SNX2: variants seen among roughly 807,000 people sequenced by gnomAD.
The protein encoded by SNX2 is sorting nexin-2.
A neutral mutation model predicts 69.9 loss-of-function variants in SNX2; 25 were observed. The ratio of observed to expected loss-of-function variants is 0.36; its 90% CI spans 0.26 to 0.50. SNX2 has a LOEUF of 0.50. Among genes scored for constraint, SNX2 ranks in the 20% least tolerant of loss-of-function variants. The pLI is 0.97. For missense variants in SNX2, 551 were observed against 613.3 expected (o/e 0.90, Z 1.07); for synonymous variants, 229 against 200.4 (o/e 1.14, Z -1.20).
At chr5:122,829,575 T>C in intron 14 of SNX2, 23 bp from the exon 15 acceptor site, 1 of 1,590,942 alleles carries the variant, frequency 6.3e-7, no homozygotes, top group Non-Finnish European at 8.6e-7. Context: ...GAGAATAACT[T>C]ATATTTTAAT....
intron 1 of SNX2, among the ~76,000 whole-genome samples, chr5:122,789,988 CA>C (rs1424665297): frequency 2.0e-5 from 3 of 152,166 alleles, no homozygotes; most frequent in African/African-American, 7.2e-5. Flanking sequence ...AAATAATAAA[CA>C]TTATATCACA....
chr5:122,789,467 A>G (rs1215426761), intron 1 of SNX2, among the ~76,000 whole-genome samples: 3 of 124,016 alleles, frequency 2.4e-5, no homozygotes, highest in Non-Finnish European at 4.9e-5. Context: ...ACACACAGAC[A>G]CACACGGACA....
intron 1 of SNX2, among the ~76,000 whole-genome samples, chr5:122,776,322 T>C (rs1256679012): frequency 6.6e-6 from 1 of 152,156 alleles, no homozygotes; most frequent in South Asian, 2.1e-4. Context: ...TAATTGTATA[T>C]GCAGTGTCCC....
chr5:122,822,045 C>G (rs1334270089), intron 11 of SNX2, among the ~76,000 whole-genome samples: 1 of 152,142 alleles, frequency 6.6e-6, no homozygotes, highest in East Asian at 1.9e-4. Context: ...TTGCCATTTA[C>G]TTAGTGTGAA....
chr5:122,790,622 G>A (rs2090343942), intron 1 of SNX2, among the ~76,000 whole-genome samples: 1 of 152,318 alleles, frequency 6.6e-6, no homozygotes, highest in East Asian at 1.9e-4. Context: ...GGGGGAGGAA[G>A]ATAGTAAGAC....
chr5:122,806,134 A>ATGCGCGCG (rs142218645), intron 6 of SNX2, among the ~76,000 whole-genome samples: 4 of 121,370 alleles, frequency 3.3e-5, no homozygotes, highest in African/African-American at 8.5e-5. Context: ...ATATATACAC[A>ATGCGCGCG]CGCGCGCGCA....
intron 7 of SNX2, among the ~76,000 whole-genome samples, chr5:122,810,702 T>C (rs1404438600): frequency 6.6e-6 from 1 of 152,210 alleles, no homozygotes. Flanking sequence ...ATATTGAAAC[T>C]TGACCCTGTT....
At chr5:122,812,732 A>G (rs1001783477) in intron 7 of SNX2, among the ~76,000 whole-genome samples, 1 of 152,162 alleles carries the variant, frequency 6.6e-6, no homozygotes, top group South Asian at 2.1e-4. Context: ...CCTTTTGCTC[A>G]CTGATGTGTT....
intron 1 of SNX2, among the ~76,000 whole-genome samples, chr5:122,793,209 T>C (rs780019075): frequency 1.3e-5 from 2 of 152,136 alleles, no homozygotes; most frequent in African/African-American, 4.8e-5. Context: ...TAGTAAAAAA[T>C]TGATAAACAT....
chr5:122,820,365 G>A (rs71594307), intron 11 of SNX2, among the ~76,000 whole-genome samples: 5,467 of 152,100 alleles, frequency 0.036, 166 homozygotes, highest in South Asian at 0.072. Flanking sequence ...GTGAAACCCC[G>A]GCTCTACTAA....
intron 7 of SNX2, among the ~76,000 whole-genome samples, chr5:122,812,597 G>T (rs1263986031): frequency 1.3e-5 from 2 of 152,064 alleles, no homozygotes; most frequent in Non-Finnish European, 2.9e-5. Context: ...CCATTGTTCT[G>T]TCTTTTTTTC....
intron 12 of SNX2, 137 bp from the exon 13 acceptor site, chr5:122,827,215 ATTGGTTGACAGTTAAATGCAATTTCTG>A: frequency 1.7e-6 from 1 of 602,104 alleles, no homozygotes; most frequent in South Asian, 2.2e-5. Context: ...ATGCATTTCT[ATTGGTTGACAGTTAAATGCAATTTCTG>A]TTGATGCTAA....
intron 12 of SNX2, among the ~76,000 whole-genome samples, chr5:122,826,904 A>T (rs1020627191): frequency 3.9e-5 from 6 of 152,058 alleles, no homozygotes; most frequent in African/African-American, 1.2e-4. Flanking sequence ...AAATATTTTT[A>T]AAATGTTTAT....
At chr5:122,792,937 A>G (rs1753277711) in intron 1 of SNX2, among the ~76,000 whole-genome samples, 1 of 152,212 alleles carries the variant, frequency 6.6e-6, no homozygotes, top group Non-Finnish European at 1.5e-5. Context: ...CATACTCTAC[A>G]TGCTAGAGTA....
intron 6 of SNX2, among the ~76,000 whole-genome samples, chr5:122,808,070 T>C (rs1250202507): frequency 2.0e-5 from 3 of 152,202 alleles, no homozygotes; most frequent in African/African-American, 7.2e-5. Context: ...TGTTCTCTCA[T>C]GTTTTAAGTA....
At position 122,808,297 on chromosome 5, in the gene SNX2, G is replaced by A. The variant is rs756992726; in HGVS notation, c.664G>A (p.Gly222Ser). The change falls in exon 7 of 15, where the codon GGT (glycine) becomes AGT (serine). Residue 222 changes from glycine to serine, a missense_variant. Coordinates refer to ENST00000379516, the MANE Select transcript of SNX2 (RefSeq NM_003100.4). Reference protein sequence around the residue: ...SIVGMTKVKVGKEDSSSTEFV... With the variant: ...SIVGMTKVKVSKEDSSSTEFV... ...CAAAGGGATGACCAAGGTCAAAGTG[G>A]GTAAAGAAGACTCATCATCCACTGA... 1.2e-6 allele frequency: 2 copies of A among 1,610,328 alleles called. No individual in the cohort carries two copies. Among genetic ancestry groups the A allele is most frequent in the African/African-American group, 1.3e-5 (1 of 74,884 alleles).
rs142303986 is a variant in SNX2, at chr5:122,777,252, G to A, written c.108+2041G>A. ...CATGTTTAATAAGTGTTCTAGATCC[G>A]TGTTTTGCAATCTTTGTAAATAGGG... On this transcript the variant is annotated intron_variant, in intron 1 of 14. Coordinates refer to ENST00000379516, the MANE Select transcript of SNX2 (RefSeq NM_003100.4). Among the ~76,000 whole-genome samples the A allele has an allele frequency of 5.7e-3, 866 of 152,238 alleles. 9 individuals carry two copies. Among genetic ancestry groups the A allele is most frequent in the Non-Finnish European group, 5.9e-3 (403 of 68,016 alleles).
intron 1 of SNX2, among the ~76,000 whole-genome samples, chr5:122,790,309 C>T (rs902754859): frequency 3.9e-5 from 6 of 152,058 alleles, no homozygotes; most frequent in Middle Eastern, 3.2e-3. Flanking sequence ...TTAATAGAGA[C>T]GGGGTTTCTC....
chr5:122,819,882 C>G (rs1330144658), intron 11 of SNX2, among the ~76,000 whole-genome samples: 1 of 152,132 alleles, frequency 6.6e-6, no homozygotes, highest in Non-Finnish European at 1.5e-5. Context: ...ATTGATGGTT[C>G]TGTTCTTAAG....
Sources: allele counts gnomAD v4.1 joint callset (sites outside exome capture counted in the v4.1 genomes callset), GRCh38; gene constraint gnomAD v4.1.1; transcripts MANE v1.5; gene names NCBI Gene and HGNC (gene_info 2026-07-23, HGNC 2026-07-21).